CSMD1: variants seen among roughly 807,000 people sequenced by gnomAD.
The protein encoded by CSMD1 is CUB and Sushi multiple domains 1.
Under a neutral mutation model 417.5 loss-of-function variants are expected in CSMD1, and 213 were observed. The observed-to-expected ratio is 0.51, with a 90% CI of 0.46 to 0.57. The LOEUF is 0.57. CSMD1 is among the 20% of genes least tolerant of loss of function. The pLI, the probability that CSMD1 is intolerant of heterozygous loss-of-function variation, is 0.00. For synonymous variants in CSMD1, 2,862 were observed against 1,736.8 expected, an observed-to-expected ratio of 1.65 and a Z score of -16.11; for missense variants, 6,923 against 4,529.7, an observed-to-expected ratio of 1.53 and a Z score of -15.17.
rs191118674 is a variant in CSMD1, at chr8:3,578,685, A to T, written c.1223-3619T>A. Among the ~76,000 whole-genome samples the T allele has an allele frequency of 4.6e-4, 70 of 152,250 alleles. 1 individual carries two copies. The highest frequency in any genetic ancestry group is 4.4e-3 in the Admixed American group (68 of 15,294). Reference sequence around the variant, plus strand: ...TGCTGGTTTTTCACTTCATGCAAAGAACCGATTGGGCAGCTCCTCACACAG... The same window carrying T: ...TGCTGGTTTTTCACTTCATGCAAAGTACCGATTGGGCAGCTCCTCACACAG... On this transcript the variant is annotated intron_variant, in intron 9 of 69. Coordinates refer to ENST00000635120, the MANE Select transcript of CSMD1 (RefSeq NM_033225.6).
At position 4,224,989 on chromosome 8, in the gene CSMD1, G is replaced by C. The variant is rs184902078; in HGVS notation, c.416-192890C>G. 4.1e-4 allele frequency among the ~76,000 whole-genome samples: 63 copies of C among 152,262 alleles called. No homozygotes were observed. The East Asian group carries it at 9.9e-3, about 24-fold the overall frequency. ...TAGTTGGGCGTGGTGCCGTGCACCT[G>C]AAATCCCAGCTATTGGGGAGGCTGA... On this transcript the variant is annotated intron_variant, in intron 3 of 69. Transcript: ENST00000635120.
chr8:3,948,316 A>G (rs2627518), intron 5 of CSMD1, among the ~76,000 whole-genome samples: 70,811 of 151,996 alleles, frequency 0.47, 17,656 homozygotes, highest in Non-Finnish European at 0.57. Context: ...TTTGAAGAGT[A>G]TAAGGGGCTT....
At chr8:4,134,278 T>C (rs1002479243) in intron 3 of CSMD1, among the ~76,000 whole-genome samples, 4 of 152,194 alleles carry the variant, frequency 2.6e-5, no homozygotes, top group African/African-American at 9.6e-5. Context: ...AAAATGTGAC[T>C]GTATTTGAGG....
At chr8:4,897,210 C>G (rs570460507) in intron 1 of CSMD1, among the ~76,000 whole-genome samples, 2 of 151,992 alleles carry the variant, frequency 1.3e-5, no homozygotes, top group Non-Finnish European at 2.9e-5. Context: ...GAATAAAACT[C>G]ACAACACGTC....
intron 1 of CSMD1, among the ~76,000 whole-genome samples, chr8:4,841,784 G>A (rs1585196544): frequency 6.6e-6 from 1 of 151,698 alleles, no homozygotes; most frequent in African/African-American, 2.4e-5. Context: ...GGTGGCACAT[G>A]CCTGTAATCC....
rs556818121 is a variant in CSMD1 at position 3,975,304 on chromosome 8, C to A, written c.818+22599G>T. 3.9e-5 allele frequency among the ~76,000 whole-genome samples: 6 copies of A among 152,244 alleles called. No homozygotes were observed. The South Asian group carries it at 1.2e-3, about 32-fold the overall frequency. On this transcript the variant is annotated intron_variant, in intron 5 of 69. Transcript: ENST00000635120. The stretch of plus-strand genomic sequence containing the variant: ...TATTTTATTTTATACCTTTTTTACA[C>A]AAAATGCCCTTAGAACAGTTTGGAT...
intron 2 of CSMD1, among the ~76,000 whole-genome samples, chr8:4,466,778 C>G (rs1800197663): frequency 6.6e-6 from 1 of 152,018 alleles, no homozygotes; most frequent in Non-Finnish European, 1.5e-5. Context: ...TATGAGAATA[C>G]CACCAACTGA....
At chr8:3,581,873 C>T (rs1251618081) in intron 9 of CSMD1, among the ~76,000 whole-genome samples, 2 of 152,118 alleles carry the variant, frequency 1.3e-5, no homozygotes, top group East Asian at 3.9e-4. Flanking sequence ...GGCACGATCT[C>T]TGCTTACTGC....
chr8:4,009,734 C>A (rs79487554), intron 4 of CSMD1, among the ~76,000 whole-genome samples: 4,504 of 152,224 alleles, frequency 0.03, 88 homozygotes, highest in Non-Finnish European at 0.044. Flanking sequence ...TACCTACCTC[C>A]ACAGGCGCTC....
intron 3 of CSMD1, among the ~76,000 whole-genome samples, chr8:4,176,149 A>G (rs1378431210): frequency 6.6e-6 from 1 of 152,072 alleles, no homozygotes. Context: ...ATAGGGGTGG[A>G]AAAGAGACTC....
chr8:3,842,453 T>G lies in CSMD1; in HGVS notation c.819-88411A>C, dbSNP rs183113773. On this transcript the variant is annotated intron_variant, in intron 5 of 69. Coordinates refer to ENST00000635120, the MANE Select transcript of CSMD1 (RefSeq NM_033225.6). ...TATTTTAAACAGATGTTAAATGATT[T>G]TATTCTCATTGTTCATTACTAGTAT... 2.6e-5 allele frequency among the ~76,000 whole-genome samples: 4 copies of G among 152,292 alleles called. No homozygotes were observed. The East Asian group carries it at 7.7e-4, about 29-fold the overall frequency.
chr8:3,463,643 C>A (rs887058269), intron 12 of CSMD1, among the ~76,000 whole-genome samples: 2 of 152,174 alleles, frequency 1.3e-5, no homozygotes, highest in Non-Finnish European at 2.9e-5. Context: ...AGGGACAGCA[C>A]CCTGTGCCGT....
chr8:3,335,595 T>C (rs1342881933), intron 23 of CSMD1, among the ~76,000 whole-genome samples: 1 of 152,162 alleles, frequency 6.6e-6, no homozygotes, highest in Non-Finnish European at 1.5e-5. Flanking sequence ...GAGAATCGCT[T>C]GAACCTGAGA....
At chr8:3,076,054 A>G (rs1438202273) in intron 49 of CSMD1, among the ~76,000 whole-genome samples, 1 of 131,142 alleles carries the variant, frequency 7.6e-6, no homozygotes, top group Non-Finnish European at 1.7e-5. Flanking sequence ...CCGTCTCAAA[A>G]AAAAGAAAAA....
At chr8:3,052,390 C>T (rs1811876817) in intron 50 of CSMD1, 72 bp downstream of exon 50, 4 of 1,259,500 alleles carry the variant, frequency 3.2e-6, no homozygotes, top group Non-Finnish European at 3.3e-6. Context: ...ACGTGGGAAC[C>T]CGGACTTCTC....
intron 5 of CSMD1, among the ~76,000 whole-genome samples, chr8:3,970,905 C>T (rs1409067046): frequency 6.6e-6 from 1 of 152,082 alleles, no homozygotes; most frequent in Non-Finnish European, 1.5e-5. Context: ...GTGACTGCCA[C>T]CATGCTCCGC....
At chr8:4,606,589 G>A (rs1800882055) in intron 2 of CSMD1, among the ~76,000 whole-genome samples, 2 of 152,208 alleles carry the variant, frequency 1.3e-5, no homozygotes, top group East Asian at 3.9e-4. Flanking sequence ...ACCAGGTAAT[G>A]AGGGAGAACC....
intron 1 of CSMD1, among the ~76,000 whole-genome samples, chr8:4,871,835 G>A (rs1034857250): frequency 2.6e-5 from 4 of 152,058 alleles, no homozygotes; most frequent in African/African-American, 9.7e-5. Context: ...GGACAGGCAG[G>A]TTCTGTGCTT....
intron 37 of CSMD1, among the ~76,000 whole-genome samples, chr8:3,168,113 G>C (rs563066085): frequency 4.2e-4 from 64 of 151,742 alleles, no homozygotes; most frequent in Non-Finnish European, 6.6e-4. Context: ...TTGATAAGCA[G>C]AGAGTGAGGG....
Sources: allele counts gnomAD v4.1 joint callset (sites outside exome capture counted in the v4.1 genomes callset), GRCh38; gene constraint gnomAD v4.1.1; transcripts MANE v1.5; gene names NCBI Gene and HGNC (gene_info 2026-07-23, HGNC 2026-07-21).